SAR1B: variants seen among roughly 807,000 people sequenced by gnomAD.
SAR1B encodes the protein small COPII coat GTPase SAR1B.
SAR1B carries 23 observed loss-of-function variants against 26.8 expected under a neutral mutation model. The ratio of observed to expected loss-of-function variants is 0.86; its 90% CI spans 0.62 to 1.22. SAR1B has a LOEUF of 1.22. SAR1B is among the 50% of genes most tolerant of loss of function. SAR1B has a pLI of 0.00. For synonymous variants in SAR1B, 65 were observed against 80.8 expected, an observed-to-expected ratio of 0.80 and a Z score of 1.05; for missense variants, 196 against 232.8, an observed-to-expected ratio of 0.84 and a Z score of 1.03.
At chr5:134,608,708 A>C (rs1436411388) in intron 5 of SAR1B, among the ~76,000 whole-genome samples, 2 of 152,178 alleles carry the variant, frequency 1.3e-5, no homozygotes, top group Non-Finnish European at 1.5e-5. Context: ...CTTCCTGTAA[A>C]TGTTTACTCT....
intron 4 of SAR1B, among the ~76,000 whole-genome samples, chr5:134,612,087 AT>A (rs936239499): frequency 7.2e-5 from 11 of 152,158 alleles, no homozygotes; most frequent in African/African-American, 2.7e-4. Flanking sequence ...TTTGGCCTTT[AT>A]TTTGTAAGTA....
chr5:134,612,819 A>T, intron 3 of SAR1B, 63 bp from the exon 4 acceptor site: 1 of 1,446,892 alleles, frequency 6.9e-7, no homozygotes. Flanking sequence ...TGTAAAAAGT[A>T]AAGTAGAGGT....
At chr5:134,620,198 C>T (rs1057293988) in intron 3 of SAR1B, among the ~76,000 whole-genome samples, 1 of 151,150 alleles carries the variant, frequency 6.6e-6, no homozygotes, top group African/African-American at 2.4e-5. Context: ...CCCAGCTACT[C>T]GGGAGGCTGA....
In SAR1B at chr5:134,606,926, A is replaced by C. The variant is rs1157899657; in HGVS notation, c.*24T>G. 12 of 1,462,090 alleles carry C rather than the reference A, an allele frequency of 8.2e-6. No homozygotes were observed. The highest frequency in any genetic ancestry group is 1.2e-5 in the Non-Finnish European group (12 of 1,041,142). The allele number at this position is 1,462,090 out of a possible 1,614,324, so 90.6% of individuals were successfully genotyped here. On this transcript the variant is annotated 3_prime_UTR_variant, in exon 7 of 7. Coordinates refer to ENST00000402673, the MANE Select transcript of SAR1B (RefSeq NM_016103.4). Reference sequence around the variant, plus strand: ...TCTCTGAGTAAGCCTGAACGTTGAGACCTGGAACCAATGTGAGTTTGTGTT... The same window carrying C: ...TCTCTGAGTAAGCCTGAACGTTGAGCCCTGGAACCAATGTGAGTTTGTGTT...
chr5:134,611,673 A>T (rs1280880654), intron 4 of SAR1B, among the ~76,000 whole-genome samples: 1 of 152,182 alleles, frequency 6.6e-6, no homozygotes, highest in Non-Finnish European at 1.5e-5. Flanking sequence ...ACACAAATAT[A>T]CTAAGTGCTA....
At chr5:134,616,655 A>G (rs1765321798) in intron 3 of SAR1B, among the ~76,000 whole-genome samples, 1 of 152,170 alleles carries the variant, frequency 6.6e-6, no homozygotes, top group Admixed American at 6.6e-5. Flanking sequence ...AACATCCCAG[A>G]AAGTCTCCTC....
intron 3 of SAR1B, among the ~76,000 whole-genome samples, chr5:134,617,346 T>C (rs1001549108): frequency 6.6e-6 from 1 of 152,182 alleles, no homozygotes; most frequent in South Asian, 2.1e-4. Context: ...TAACTAGGAG[T>C]AGAACTGCCA....
At chr5:134,610,262 T>G (rs1191331819) in intron 4 of SAR1B, among the ~76,000 whole-genome samples, 2 of 150,860 alleles carry the variant, frequency 1.3e-5, no homozygotes, top group Non-Finnish European at 3.0e-5. Flanking sequence ...AGCTCAGGAG[T>G]TCAAGACCAG....
chr5:134,617,010 C>T (rs1028728119), intron 3 of SAR1B, among the ~76,000 whole-genome samples: 11 of 152,072 alleles, frequency 7.2e-5, no homozygotes, highest in African/African-American at 1.7e-4. Context: ...ATGGGAGGAT[C>T]GCTTGAGCCC....
At chr5:134,617,007 G>A (rs1399747865) in intron 3 of SAR1B, among the ~76,000 whole-genome samples, 1 of 152,134 alleles carries the variant, frequency 6.6e-6, no homozygotes, top group Non-Finnish European at 1.5e-5. Context: ...TGGATGGGAG[G>A]ATCGCTTGAG....
chr5:134,629,952 A>C (rs890594572), intron 1 of SAR1B, among the ~76,000 whole-genome samples: 1 of 152,070 alleles, frequency 6.6e-6, no homozygotes, highest in Non-Finnish European at 1.5e-5. Flanking sequence ...TATAAATAGT[A>C]GAAAATTTTT....
chr5:134,617,326 C>G (rs1765331109), intron 3 of SAR1B, among the ~76,000 whole-genome samples: 1 of 152,076 alleles, frequency 6.6e-6, no homozygotes, highest in African/African-American at 2.4e-5. Context: ...TCTCATTTCT[C>G]TCGGGTAAGT....
At chr5:134,629,793 T>C (rs1186881053) in intron 1 of SAR1B, among the ~76,000 whole-genome samples, 1 of 138,082 alleles carries the variant, frequency 7.2e-6, no homozygotes. Context: ...AGCTGAGGTA[T>C]GAGAATTGCT....
Position 134,620,992 on chromosome 5 carries a change from G to A in SAR1B, c.119C>T (p.Thr40Ile), listed in dbSNP as rs1413863577. The A allele has an allele frequency of 1.2e-6, 2 of 1,613,232 alleles. No homozygotes were observed. The highest frequency in any genetic ancestry group is 1.7e-5 in the Admixed American group (1 of 60,000). Reference protein sequence around the residue: ...FLGLDNAGKTTLLHMLKDDRL... With the variant: ...FLGLDNAGKTILLHMLKDDRL... ...GTCATCTTTTAGCATGTGTAGCAAT[G>A]TTGTTTTTCCTGCATTATCCAATCC... Residue 40 changes from threonine (T) to isoleucine (I), a missense_variant, in exon 3 of 7, where the codon ACA becomes ATA. Thr to Ile is a moderately conservative substitution (Grantham distance 89). Transcript: ENST00000402673.
chr5:134,628,939 C>A (rs1765549382), intron 1 of SAR1B, among the ~76,000 whole-genome samples: 5 of 151,942 alleles, frequency 3.3e-5, no homozygotes, highest in African/African-American at 1.2e-4. Context: ...CAGATGTGAG[C>A]CACCATGCCC....
At chr5:134,624,970 T>A (rs188019974) in intron 1 of SAR1B, among the ~76,000 whole-genome samples, 4 of 152,112 alleles carry the variant, frequency 2.6e-5, no homozygotes, top group Admixed American at 1.3e-4. Flanking sequence ...TTGAGTATGA[T>A]GATAAACTAA....
In SAR1B at chr5:134,608,441, G is replaced by A; in HGVS notation, c.411C>T (p.Asp137=). 1.9e-6 allele frequency: 3 copies of A among 1,610,174 alleles called. No individual in the cohort carries two copies. Among genetic ancestry groups the A allele is most frequent in the Non-Finnish European group, 2.5e-6 (3 of 1,178,932 alleles). ...VPILILGNKI[D]RPEAISEERL... ...TCTCTTCACTGATGGCTTCAGGTCT[G>A]TCGATCTTATTCCCAAGAATCAGTA... is the stretch of plus-strand genomic sequence containing the variant. The change falls in exon 6 of 7, where the codon GAC becomes GAT. Residue 137 remains aspartate (D), a synonymous_variant. Transcript: ENST00000402673.
At chr5:134,607,302 C>T (rs1400990262) in intron 6 of SAR1B, among the ~76,000 whole-genome samples, 3 of 151,998 alleles carry the variant, frequency 2.0e-5, no homozygotes, top group Non-Finnish European at 4.4e-5. Flanking sequence ...TTGCAAGATA[C>T]CCAAGAATAA....
chr5:134,611,752 G>A (rs1016935156), intron 4 of SAR1B, among the ~76,000 whole-genome samples: 1 of 152,146 alleles, frequency 6.6e-6, no homozygotes, highest in East Asian at 1.9e-4. Flanking sequence ...ATACGCTGGG[G>A]CCTAAAGGGG....
Sources: gnomAD v4.1 joint callset for allele counts (sites outside exome capture counted in the v4.1 genomes callset) on GRCh38, gnomAD v4.1.1 for gene constraint, MANE v1.5 for transcripts, NCBI Gene and HGNC (gene_info 2026-07-23, HGNC 2026-07-21) for gene names.